BCR: variants seen among roughly 807,000 people sequenced by gnomAD.
The protein encoded by BCR is breakpoint cluster region protein.
BCR carries 58 observed loss-of-function variants against 138.6 expected under a neutral mutation model. The ratio of observed to expected loss-of-function variants is 0.42; its 90% confidence interval spans 0.34 to 0.52. The LOEUF is 0.52. Among genes scored for constraint, BCR ranks in the 20% least tolerant of loss-of-function variants. The probability of loss-of-function intolerance (pLI) is 0.06; values close to 1 mark genes in which losing one functional copy is unlikely to be tolerated. For missense variants in BCR, 1,599 were observed against 1,727.2 expected, an observed-to-expected ratio of 0.93 and a Z score of 1.32; for synonymous variants, 786 against 730.1, an observed-to-expected ratio of 1.08 and a Z score of -1.23.
intron 10 of BCR, among the ~76,000 whole-genome samples, chr22:23,286,044 A>G (rs986701230): frequency 5.3e-5 from 8 of 152,174 alleles, no homozygotes; most frequent in Non-Finnish European, 2.9e-5. Context: ...GTTCCATTAC[A>G]TGGGTGAAGT....
intron 2 of BCR, among the ~76,000 whole-genome samples, chr22:23,258,096 T>C (rs2146271872): frequency 6.6e-6 from 1 of 152,200 alleles, no homozygotes; most frequent in East Asian, 1.9e-4. Flanking sequence ...TTGGAGCTGC[T>C]CTCAGCCCAG....
rs556286560 is a variant in BCR, at chr22:23,205,191, C to G, written c.1279+22952C>G. On this transcript the variant is annotated intron_variant, in intron 1 of 22. Transcript: ENST00000305877. ...TAGTGCCAGTTGGAGTAGGGGCTGTCTTGGTACTGAGCTGGCCGGTGCTGG... is the reference window on the plus strand; with the variant it reads ...TAGTGCCAGTTGGAGTAGGGGCTGTGTTGGTACTGAGCTGGCCGGTGCTGG... 1.4e-4 allele frequency among the ~76,000 whole-genome samples: 22 copies of G among 152,306 alleles called. No homozygotes were observed. In the South Asian group the frequency reaches 2.9e-3, roughly 20 times the overall value.
intron 1 of BCR, among the ~76,000 whole-genome samples, chr22:23,213,252 T>C (rs1568936533): frequency 6.6e-6 from 1 of 152,194 alleles, no homozygotes; most frequent in Non-Finnish European, 1.5e-5. Context: ...CATCCAAGGC[T>C]CTGCCTGCCA....
intron 1 of BCR, among the ~76,000 whole-genome samples, chr22:23,190,025 A>G (rs1282127488): frequency 2.0e-5 from 3 of 152,230 alleles, no homozygotes; most frequent in East Asian, 1.9e-4. Flanking sequence ...CTGGATGCCA[A>G]AAGTCCAAGA....
At position 23,263,697 on chromosome 22, in the gene BCR, C is replaced by T. The variant is rs1297358522; in HGVS notation, c.1752+2157C>T. 3.1e-5 allele frequency: 43 copies of T among 1,395,482 alleles called. 1 individual carries two copies. Among genetic ancestry groups the T allele is most frequent in the Non-Finnish European group, 4.2e-5 (41 of 981,754 alleles). 86.4% of individuals were successfully genotyped at this position (1,395,482 alleles called of 1,614,324 possible). A position where few individuals can be genotyped will look rare whatever the true frequency, so the allele number is the denominator to read the frequency against. ...GCCTTGGTAAGATTCACAGCACCTT[C>T]GCTGCCAAGTACTGGGCTCATGAAC... On this transcript the variant is annotated intron_variant, in intron 4 of 22. Transcript: ENST00000305877.
rs1227074290 is a variant in BCR at position 23,224,755 on chromosome 22, G to A, written c.1280-29044G>A. On this transcript the variant is annotated intron_variant, in intron 1 of 22. Coordinates refer to ENST00000305877, the MANE Select transcript of BCR (RefSeq NM_004327.4). ...AAATCAGCCAGGCATGGTGGCACAC[G>A]CCTGTGATCCCAGCTACTTGGGAGG... is the stretch of plus-strand genomic sequence containing the variant. Among the ~76,000 whole-genome samples the A allele has an allele frequency of 3.3e-5, 5 of 152,106 alleles. No individual in the cohort carries two copies. The East Asian group carries it at 7.7e-4, about 23-fold the overall frequency.
chr22:23,279,508 C>T, intron 8 of BCR, among the ~76,000 whole-genome samples: 1 of 152,244 alleles, frequency 6.6e-6, no homozygotes, highest in East Asian at 1.9e-4. Flanking sequence ...TGGCACTCAG[C>T]CAGGTCTCCA....
intron 14 of BCR, among the ~76,000 whole-genome samples, chr22:23,291,780 C>T (rs2073790370): frequency 6.6e-6 from 1 of 152,194 alleles, no homozygotes; most frequent in Non-Finnish European, 1.5e-5. Context: ...AAACCGTGGT[C>T]TGCTCTCCCT....
rs886528203 is a variant in BCR at position 23,314,203 on chromosome 22, T to G, written c.3563+130T>G. 13 of 757,994 alleles carry G rather than the reference T, an allele frequency of 1.7e-5. No individual in the cohort carries two copies. In the East Asian group the frequency reaches 3.2e-4, roughly 18 times the overall value. 47.0% of individuals were successfully genotyped at this position (757,994 alleles called of 1,614,324 possible). On this transcript the variant is annotated intron_variant, in intron 21 of 22. Transcript: ENST00000305877. The stretch of plus-strand genomic sequence containing the variant: ...CCTTGTCTGCAGTCACTCACTGCCT[T>G]TGGCGACTAGTGCCACTGCCACCCC...
chr22:23,231,487 A>G (rs933621139), intron 1 of BCR, among the ~76,000 whole-genome samples: 2 of 147,630 alleles, frequency 1.4e-5, no homozygotes, highest in Non-Finnish European at 3.0e-5. Context: ...AGCCTAGCCA[A>G]CAGAGCAAGA....
At chr22:23,268,326 AGCTGT>A (rs1197513392) in intron 4 of BCR, 77 bp from the exon 5 acceptor site, 5 of 1,149,440 alleles carry the variant, frequency 4.3e-6, no homozygotes, top group Non-Finnish European at 6.2e-6. Flanking sequence ...GTTTCTGCAG[AGCTGT>A]GCACGGGAGC....
chr22:23,221,760 G>A (rs1282395811), intron 1 of BCR, among the ~76,000 whole-genome samples: 1 of 152,112 alleles, frequency 6.6e-6, no homozygotes, highest in East Asian at 1.9e-4. Context: ...TTTCTTTGTG[G>A]GACAGCTTTC....
At chr22:23,300,766 TCCAG>T (rs976529931) in intron 16 of BCR, among the ~76,000 whole-genome samples, 2 of 152,044 alleles carry the variant, frequency 1.3e-5, no homozygotes, top group African/African-American at 4.8e-5. Context: ...TCTGGGAAAC[TCCAG>T]CCAGCCAGCC....
rs571607612 is a variant in BCR at position 23,288,274 on chromosome 22, A to T, written c.2602+102A>T. 5.0e-5 allele frequency: 62 copies of T among 1,230,366 alleles called. No homozygotes were observed. In the African/African-American group the frequency reaches 6.7e-4, roughly 13 times the overall value. 76.2% of individuals were successfully genotyped at this position (1,230,366 alleles called of 1,614,324 possible). ...CTTCTTTTTTATTTCGAGGGGTTTT[A>T]TCCAAGTGAAGTGTTGCATGGAGGG... On this transcript the variant is annotated intron_variant, in intron 12 of 22. Coordinates refer to ENST00000305877, the MANE Select transcript of BCR (RefSeq NM_004327.4).
In BCR at chr22:23,215,639, C is replaced by G. The variant is rs765472141; in HGVS notation, c.1279+33400C>G. Reference sequence around the variant, plus strand: ...TTCCATCTGCTGATGGGGACAGGCACAAACCTGGTGGCTTGTTGTCCTTGG... The same window carrying G: ...TTCCATCTGCTGATGGGGACAGGCAGAAACCTGGTGGCTTGTTGTCCTTGG... On this transcript the variant is annotated intron_variant, in intron 1 of 22. Coordinates refer to ENST00000305877, the MANE Select transcript of BCR (RefSeq NM_004327.4). Among the ~76,000 whole-genome samples, 13 of 152,190 alleles carry G rather than the reference C, an allele frequency of 8.5e-5. 1 individual carries two copies. Among genetic ancestry groups the G allele is most frequent in the Non-Finnish European group, 1.9e-4 (13 of 68,040 alleles).
intron 20 of BCR, 44 bp from the exon 21 acceptor site, chr22:23,313,924 C>G: frequency 6.5e-7 from 1 of 1,529,844 alleles, no homozygotes; most frequent in Non-Finnish European, 9.0e-7. Context: ...GGAGAGGTCT[C>G]TGGCTCGTTG....
Position 23,190,637 on chromosome 22 carries a change from C to G in BCR, c.1279+8398C>G, listed in dbSNP as rs147441287. Among the ~76,000 whole-genome samples the G allele has an allele frequency of 1.7e-3, 255 of 152,244 alleles. 2 individuals are homozygous for G. Among genetic ancestry groups the G allele is most frequent in the African/African-American group, 5.8e-3 (241 of 41,540 alleles). Reference sequence around the variant, plus strand: ...ATGGGGAGTGAGGCATGGTTTAGTTCGTAACACTTGGTGAGTCCGTTACTG... The same window carrying G: ...ATGGGGAGTGAGGCATGGTTTAGTTGGTAACACTTGGTGAGTCCGTTACTG... On this transcript the variant is annotated intron_variant, in intron 1 of 22. Coordinates refer to ENST00000305877, the MANE Select transcript of BCR (RefSeq NM_004327.4).
chr22:23,254,212 A>G (rs2073267185), intron 2 of BCR, among the ~76,000 whole-genome samples: 1 of 152,070 alleles, frequency 6.6e-6, no homozygotes, highest in African/African-American at 2.4e-5. Flanking sequence ...GGAGGCAGGC[A>G]GCATGTGGTC....
chr22:23,228,418 G>C lies in BCR; in HGVS notation c.1280-25381G>C, dbSNP rs552593408. On this transcript the variant is annotated intron_variant, in intron 1 of 22. Coordinates refer to ENST00000305877, the MANE Select transcript of BCR (RefSeq NM_004327.4). ...TGGAGGTTTTTCCAGGTGTCATTCT[G>C]TTACTGATTTTTAGTCAAAAATAAA... Among the ~76,000 whole-genome samples, 8 of 152,190 alleles carry C rather than the reference G, an allele frequency of 5.3e-5. No individual in the cohort carries two copies. In the East Asian group the frequency reaches 1.4e-3, roughly 26 times the overall value.
Sources: allele counts gnomAD v4.1 joint callset (sites outside exome capture counted in the v4.1 genomes callset), GRCh38; gene constraint gnomAD v4.1.1; transcripts MANE v1.5; gene names NCBI Gene and HGNC (gene_info 2026-07-23, HGNC 2026-07-21).